Variants in PDE4D observed in about 807,000 individuals in gnomAD.
PDE4D encodes the protein 3',5'-cyclic-AMP phosphodiesterase 4D.
A neutral mutation model predicts 87.4 loss-of-function variants in PDE4D; 24 were observed. The observed-to-expected ratio is 0.27, with a 90% CI of 0.20 to 0.39. PDE4D has a LOEUF of 0.39. PDE4D is among the 10% of genes least tolerant of loss of function. The pLI is 1.00. For synonymous variants in PDE4D, 384 were observed against 383.2 expected (o/e 1.00, Z -0.02); for missense variants, 714 against 1,041.0 (o/e 0.69, Z 4.32).
intron 5 of PDE4D, among the ~76,000 whole-genome samples, chr5:59,125,580 G>A (rs1401221239): frequency 6.6e-6 from 1 of 152,286 alleles, no homozygotes; most frequent in South Asian, 2.1e-4. Flanking sequence ...TAAGGCCTGG[G>A]AAGATTCCAG....
At chr5:60,088,608 A>G (rs1774784583) in intron 2 of PDE4D, among the ~76,000 whole-genome samples, 1 of 152,018 alleles carries the variant, frequency 6.6e-6, no homozygotes, top group South Asian at 2.1e-4. Context: ...CCTGTTATAA[A>G]TATATTTTTA....
In PDE4D at chr5:60,129,285, C is replaced by T. The variant is rs148741617; in HGVS notation, c.42+56272G>A. Among the ~76,000 whole-genome samples, 773 of 152,258 alleles carry T rather than the reference C, an allele frequency of 5.1e-3. 6 individuals are homozygous for T. The highest frequency in any genetic ancestry group is 0.018 in the African/African-American group (736 of 41,532). On this transcript the variant is annotated intron_variant, in intron 2 of 16. Transcript: ENST00000502484. Reference sequence around the variant, plus strand: ...GCATATTTCATATGCTTAATCATAACTTCTTCTTTAAGTCTTTGGAGGAGG... The same window carrying T: ...GCATATTTCATATGCTTAATCATAATTTCTTCTTTAAGTCTTTGGAGGAGG...
chr5:60,465,970 A>G (rs1035219295), intron 1 of PDE4D, among the ~76,000 whole-genome samples: 6 of 152,194 alleles, frequency 3.9e-5, no homozygotes, highest in African/African-American at 1.4e-4. Flanking sequence ...AACAGTTTCT[A>G]CTGAATGCAT....
intron 3 of PDE4D, among the ~76,000 whole-genome samples, chr5:59,900,657 G>T (rs576474985): frequency 1.3e-5 from 2 of 152,270 alleles, no homozygotes; most frequent in South Asian, 4.1e-4. Flanking sequence ...CCTGAAGAAT[G>T]ATTACTCAGT....
At chr5:59,826,508 C>T (rs935343901) in intron 1 of PDE4D, among the ~76,000 whole-genome samples, 4 of 149,448 alleles carry the variant, frequency 2.7e-5, no homozygotes, top group Non-Finnish European at 6.0e-5. Context: ...AAATCGAGAA[C>T]TTTTTTTTTT....
Position 59,180,409 on chromosome 5 carries a change from A to G in PDE4D, c.808+186T>C, listed in dbSNP as rs750497971. Reference sequence around the variant, plus strand: ...ACATCAGTAAAAAACGTAAATCGGTAAAAATGTTCCAAATAACAGCTTAGA... The same window carrying G: ...ACATCAGTAAAAAACGTAAATCGGTGAAAATGTTCCAAATAACAGCTTAGA... On this transcript the variant is annotated intron_variant, in intron 5 of 14. Coordinates refer to ENST00000340635, the MANE Select transcript of PDE4D (RefSeq NM_001104631.2). The G allele has an allele frequency of 1.8e-5, 13 of 717,288 alleles. 1 individual carries two copies. The highest frequency in any genetic ancestry group is 3.3e-5 in the Non-Finnish European group (13 of 391,726). The allele number at this position is 717,288 out of a possible 1,614,324, so 44.4% of individuals were successfully genotyped here.
intron 1 of PDE4D, among the ~76,000 whole-genome samples, chr5:60,325,450 A>G (rs912578637): frequency 5.9e-5 from 9 of 152,212 alleles, no homozygotes; most frequent in African/African-American, 2.2e-4. Flanking sequence ...GATGTCTTTG[A>G]TGATTGATAT....
intron 7 of PDE4D, among the ~76,000 whole-genome samples, chr5:58,992,420 T>C (rs1748125112): frequency 6.6e-6 from 1 of 152,146 alleles, no homozygotes; most frequent in African/African-American, 2.4e-5. Context: ...ATACATACTT[T>C]GAAATGGTAG....
chr5:59,825,168 C>G (rs540543170), intron 1 of PDE4D, among the ~76,000 whole-genome samples: 2 of 152,202 alleles, frequency 1.3e-5, no homozygotes, highest in East Asian at 3.9e-4. Flanking sequence ...TCCACAGAGC[C>G]TTTCACATGT....
At chr5:59,738,303 C>T (rs1347039542) in intron 1 of PDE4D, among the ~76,000 whole-genome samples, 1 of 152,020 alleles carries the variant, frequency 6.6e-6, no homozygotes, top group Non-Finnish European at 1.5e-5. Flanking sequence ...GTCAGATTTG[C>T]AGAATATGGG....
At chr5:59,883,020 C>T (rs982292427) in intron 1 of PDE4D, among the ~76,000 whole-genome samples, 1 of 152,168 alleles carries the variant, frequency 6.6e-6, no homozygotes, top group Non-Finnish European at 1.5e-5. Flanking sequence ...CTCAAGTGAT[C>T]TGCCCGTCTT....
chr5:59,983,306 C>T (rs1762109546), intron 3 of PDE4D, among the ~76,000 whole-genome samples: 1 of 152,116 alleles, frequency 6.6e-6, no homozygotes. Context: ...TTCTTGTTTT[C>T]CCCTTATTAA....
intron 1 of PDE4D, among the ~76,000 whole-genome samples, chr5:59,833,166 G>A (rs1310009527): frequency 6.6e-6 from 1 of 152,086 alleles, no homozygotes; most frequent in South Asian, 2.1e-4. Context: ...GGCATCTGTG[G>A]TGCAGAGAAG....
chr5:59,997,023 T>C lies in PDE4D; in HGVS notation c.43-8306A>G, dbSNP rs192957854. On this transcript the variant is annotated intron_variant, in intron 2 of 16. Transcript: ENST00000502484. ...AGTTTCCAAAAAAGGAATAGAAAAA[T>C]CTCTCATTCAGTAATATTCTACTGT... Among the ~76,000 whole-genome samples the C allele has an allele frequency of 1.1e-3, 172 of 152,132 alleles. 2 individuals are homozygous for C. Among genetic ancestry groups the C allele is most frequent in the Non-Finnish European group, 4.6e-4 (31 of 67,974 alleles).
intron 1 of PDE4D, among the ~76,000 whole-genome samples, chr5:59,239,175 T>G (rs1013669584): frequency 6.6e-6 from 1 of 152,250 alleles, no homozygotes; most frequent in South Asian, 2.1e-4. Context: ...GCTGTACTGC[T>G]GTCTGTTGAT....
intron 1 of PDE4D, among the ~76,000 whole-genome samples, chr5:59,247,904 C>CT (rs1561805414): frequency 6.6e-6 from 1 of 151,628 alleles, no homozygotes; most frequent in Non-Finnish European, 1.5e-5. Context: ...AGACTCCAGT[C>CT]CACCTGGCCT....
chr5:59,199,910 ATG>A (rs1242245126), intron 2 of PDE4D, among the ~76,000 whole-genome samples: 7 of 151,888 alleles, frequency 4.6e-5, no homozygotes, highest in African/African-American at 1.7e-4. Flanking sequence ...ACATATATGC[ATG>A]TATATATACA....
chr5:60,163,646 G>A (rs1327358316), intron 2 of PDE4D, among the ~76,000 whole-genome samples: 2 of 152,098 alleles, frequency 1.3e-5, no homozygotes, highest in Non-Finnish European at 2.9e-5. Context: ...CACTGCTCTG[G>A]AAACTAGTTA....
intron 1 of PDE4D, among the ~76,000 whole-genome samples, chr5:59,322,396 C>T (rs1420461237): frequency 6.6e-6 from 1 of 152,016 alleles, no homozygotes; most frequent in Non-Finnish European, 1.5e-5. Flanking sequence ...CTGATTCTGA[C>T]CAAGCAACCC....
Sources: allele counts gnomAD v4.1 joint callset (sites outside exome capture counted in the v4.1 genomes callset), GRCh38; gene constraint gnomAD v4.1.1; transcripts MANE v1.5; gene names NCBI Gene and HGNC (gene_info 2026-07-23, HGNC 2026-07-21).